The following DACH1 variants were observed in gnomAD, a reference collection of about 807,000 sequenced individuals.
DACH1 encodes the protein dachshund homolog 1.
In DACH1, 12 loss-of-function variants were observed where a neutral mutation model predicts 54.2. That is an observed-to-expected ratio of 0.22 (90% CI 0.14 to 0.36). The LOEUF (loss-of-function observed/expected upper bound fraction) is 0.36, where lower values mean the gene tolerates loss of function less well. DACH1 is among the 10% of genes least tolerant of loss of function. DACH1 has a pLI of 1.00. For synonymous variants in DACH1, 386 were observed against 366.2 expected (o/e 1.05, Z -0.62); for missense variants, 805 against 929.8 (o/e 0.87, Z 1.75).
At chr13:71,840,460 G>T (rs555141882) in intron 1 of DACH1, among the ~76,000 whole-genome samples, 1 of 152,020 alleles carries the variant, frequency 6.6e-6, no homozygotes, top group Non-Finnish European at 1.5e-5. Context: ...TGAGCTGGCC[G>T]GTTCCTATAT....
At chr13:71,792,767 C>T (rs1886886454) in intron 1 of DACH1, among the ~76,000 whole-genome samples, 2 of 152,102 alleles carry the variant, frequency 1.3e-5, no homozygotes, top group South Asian at 2.1e-4. Flanking sequence ...ATTTTGTAGA[C>T]ACTAAGTTCT....
intron 6 of DACH1, among the ~76,000 whole-genome samples, chr13:71,528,644 A>G (rs1443196645): frequency 6.6e-6 from 1 of 151,858 alleles, no homozygotes; most frequent in East Asian, 1.9e-4. Flanking sequence ...GTTAGCCAAG[A>G]TGGTCTCGAT....
At chr13:71,827,788 C>A (rs1301754662) in intron 1 of DACH1, among the ~76,000 whole-genome samples, 2 of 151,986 alleles carry the variant, frequency 1.3e-5, no homozygotes, top group Non-Finnish European at 2.9e-5. Context: ...AAATATATAG[C>A]TGATTAGGAT....
At chr13:71,490,440 G>C (rs1201648985) in intron 6 of DACH1, among the ~76,000 whole-genome samples, 1 of 152,142 alleles carries the variant, frequency 6.6e-6, no homozygotes, top group Non-Finnish European at 1.5e-5. Flanking sequence ...CTGGAGAGGG[G>C]AGTAACGGCC....
intron 6 of DACH1, among the ~76,000 whole-genome samples, chr13:71,493,267 C>T (rs888018214): frequency 2.0e-5 from 3 of 152,034 alleles, no homozygotes; most frequent in Non-Finnish European, 4.4e-5. Context: ...GTTGACATGA[C>T]ATGAGACAGC....
chr13:71,775,950 TG>T (rs1215524248), intron 1 of DACH1, among the ~76,000 whole-genome samples: 2 of 152,152 alleles, frequency 1.3e-5, no homozygotes, highest in Non-Finnish European at 2.9e-5. Flanking sequence ...TTAGTTTTAT[TG>T]GTTACTAAAT....
At chr13:71,521,194 G>A (rs1172981712) in intron 6 of DACH1, among the ~76,000 whole-genome samples, 1 of 152,078 alleles carries the variant, frequency 6.6e-6, no homozygotes, top group Non-Finnish European at 1.5e-5. Flanking sequence ...GTTGCTGTGA[G>A]GACTAAGTTA....
At chr13:71,601,746 G>A (rs560716742) in intron 3 of DACH1, among the ~76,000 whole-genome samples, 3 of 152,036 alleles carry the variant, frequency 2.0e-5, no homozygotes, top group Admixed American at 6.6e-5. Flanking sequence ...AAAAGTAAAA[G>A]ATGAGAATAA....
intron 1 of DACH1, among the ~76,000 whole-genome samples, chr13:71,798,052 C>G (rs1011643096): frequency 4.6e-5 from 7 of 151,700 alleles, no homozygotes; most frequent in African/African-American, 1.7e-4. Context: ...TAAGGGGAAC[C>G]AAGTAGAAAT....
At chr13:71,635,191 T>C (rs577453794) in intron 2 of DACH1, among the ~76,000 whole-genome samples, 1 of 152,210 alleles carries the variant, frequency 6.6e-6, no homozygotes, top group Non-Finnish European at 1.5e-5. Context: ...ACATTATTGT[T>C]ATGTTACATT....
intron 10 of DACH1, among the ~76,000 whole-genome samples, chr13:71,447,892 T>C (rs996190163): frequency 2.0e-5 from 3 of 152,100 alleles, no homozygotes; most frequent in East Asian, 1.9e-4. Flanking sequence ...CAATTTCAAA[T>C]TGACACCAAA....
intron 1 of DACH1, among the ~76,000 whole-genome samples, chr13:71,748,877 TCTTTCTTTCTTTCTTTCTTTC>T (rs1379407259): frequency 6.5e-5 from 1 of 15,382 alleles, no homozygotes; most frequent in Non-Finnish European, 4.6e-4. Flanking sequence ...TTTCTTTCTT[TCTTTCTTTCTTTCTTTCTTTC>T]TCTTTCTTTC....
intron 3 of DACH1, among the ~76,000 whole-genome samples, chr13:71,603,980 G>A (rs950320614): frequency 2.0e-5 from 3 of 151,810 alleles, no homozygotes; most frequent in African/African-American, 7.2e-5. Context: ...TAACTGTTGT[G>A]AAGATATATC....
chr13:71,475,006 C>G, intron 10 of DACH1, 135 bp downstream of exon 10: 1 of 698,576 alleles, frequency 1.4e-6, no homozygotes, highest in South Asian at 1.8e-5. Context: ...TATAAACAAG[C>G]AAGATGAACT....
chr13:71,444,767 A>G (rs1041170891), intron 10 of DACH1, among the ~76,000 whole-genome samples: 3 of 152,162 alleles, frequency 2.0e-5, no homozygotes, highest in Admixed American at 6.6e-5. Context: ...TCCATGGTCT[A>G]CAAAGTGGTA....
intron 6 of DACH1, among the ~76,000 whole-genome samples, chr13:71,501,311 A>G (rs1593795782): frequency 1.3e-5 from 2 of 152,150 alleles, no homozygotes; most frequent in East Asian, 3.9e-4. Context: ...GTCATCACAT[A>G]TACGCATATA....
At chr13:71,819,310 C>A (rs1888094627) in intron 1 of DACH1, among the ~76,000 whole-genome samples, 1 of 152,210 alleles carries the variant, frequency 6.6e-6, no homozygotes, top group South Asian at 2.1e-4. Flanking sequence ...TGAACACATC[C>A]AGAAGCTACA....
rs1875517349 is a variant in DACH1, at chr13:71,455,904, CA to C, written c.2084-15213del. 2.0e-5 allele frequency among the ~76,000 whole-genome samples: 3 copies of C among 152,200 alleles called. No homozygotes were observed. The South Asian group carries it at 6.2e-4, about 32-fold the overall frequency. On this transcript the variant is annotated intron_variant, in intron 10 of 10. Coordinates refer to ENST00000613252, the MANE Select transcript of DACH1 (RefSeq NM_080759.6). ...CTAAGGAAACAGACCTCATCCTTTGCAAATTGCTCATGAAAAGATCAACAAA... is the reference window on the plus strand; with the variant it reads ...CTAAGGAAACAGACCTCATCCTTTGCAATTGCTCATGAAAAGATCAACAAA...
rs1009043441 is a variant in DACH1 at position 71,513,590 on chromosome 13, TA to T, written c.1571-24443del. Among the ~76,000 whole-genome samples the T allele has an allele frequency of 4.4e-4, 67 of 152,206 alleles. 1 individual carries two copies. The highest frequency in any genetic ancestry group is 1.6e-3 in the African/African-American group (65 of 41,558). On this transcript the variant is annotated intron_variant, in intron 6 of 10. Coordinates refer to ENST00000613252, the MANE Select transcript of DACH1 (RefSeq NM_080759.6). ...TATGGAACAGATGTTAAATGCAATGTAAAAATGTCAAGGGTAAATGATTGAT... is the reference window on the plus strand; with the variant it reads ...TATGGAACAGATGTTAAATGCAATGTAAAATGTCAAGGGTAAATGATTGAT...
Sources: allele counts gnomAD v4.1 joint callset (sites outside exome capture counted in the v4.1 genomes callset), GRCh38; gene constraint gnomAD v4.1.1; transcripts MANE v1.5; gene names NCBI Gene and HGNC (gene_info 2026-07-23, HGNC 2026-07-21).